The following NPSR1 variants were observed in gnomAD, a reference collection of about 807,000 sequenced individuals.
The protein encoded by NPSR1 is neuropeptide S receptor.
Under a neutral mutation model 46.9 loss-of-function variants are expected in NPSR1, and 48 were observed. That is an observed-to-expected ratio of 1.02 (90% CI 0.81 to 1.30). NPSR1 has a LOEUF of 1.30. NPSR1 is among the 50% of genes most tolerant of loss of function. The pLI is 0.00. For synonymous variants in NPSR1, 176 were observed against 168.1 expected (o/e 1.05, Z -0.36); for missense variants, 450 against 449.5 (o/e 1.00, Z -0.01).
At chr7:34,742,892 T>G (rs1785020063) in intron 2 of NPSR1, among the ~76,000 whole-genome samples, 1 of 152,246 alleles carries the variant, frequency 6.6e-6, no homozygotes, top group South Asian at 2.1e-4. Flanking sequence ...TTGATTTGTA[T>G]TTCTCTAATA....
chr7:34,679,540 C>A (rs528890348), intron 1 of NPSR1, among the ~76,000 whole-genome samples: 4 of 151,920 alleles, frequency 2.6e-5, no homozygotes, highest in Non-Finnish European at 2.9e-5. Context: ...TGACTTTAAG[C>A]GAAACTACAT....
intron 3 of NPSR1, among the ~76,000 whole-genome samples, chr7:34,802,742 T>C (rs1408540062): frequency 6.6e-6 from 1 of 150,478 alleles, no homozygotes; most frequent in Non-Finnish European, 1.5e-5. Flanking sequence ...AAAGAGCTTC[T>C]GCACAGCAAA....
In NPSR1 at chr7:34,827,465, C is replaced by T. The variant is rs781585674; in HGVS notation, c.543C>T (p.Thr181=). ...WSLSFLFSIP[T]LIIFGKRTLS... is the part of the protein sequence containing the mutation. ...TGTCTTTTCTGTTCTCCATTCCCAC[C>T]CTGATCATATTTGGGAAGAGGACAC... The change falls in exon 5 of 9, where the codon ACC becomes ACT. Residue 181 remains threonine, a synonymous_variant. Coordinates refer to ENST00000360581, the MANE Select transcript of NPSR1 (RefSeq NM_207172.2). The T allele has an allele frequency of 6.2e-7, 1 of 1,614,064 alleles. No individual in the cohort carries two copies. Among genetic ancestry groups the T allele is most frequent in the South Asian group, 1.1e-5 (1 of 91,070 alleles).
At chr7:34,696,656 G>C (rs1407887047) in intron 2 of NPSR1, among the ~76,000 whole-genome samples, 1 of 151,812 alleles carries the variant, frequency 6.6e-6, no homozygotes, top group Non-Finnish European at 1.5e-5. Context: ...AAAATAATTA[G>C]ATTGAAGCAT....
downstream of NPSR1, among the ~76,000 whole-genome samples, chr7:34,852,504 A>C (rs941915385): frequency 2.0e-5 from 3 of 152,116 alleles, no homozygotes; most frequent in African/African-American, 7.2e-5. Context: ...ACAGGGAGGA[A>C]TCTCTGAGAT....
chr7:34,670,819 T>C (rs1165187299), intron 1 of NPSR1, among the ~76,000 whole-genome samples: 1 of 152,024 alleles, frequency 6.6e-6, no homozygotes, highest in Non-Finnish European at 1.5e-5. Flanking sequence ...TAATATGAGA[T>C]ATATCAAATA....
At chr7:34,741,275 A>G (rs947338043) in intron 2 of NPSR1, among the ~76,000 whole-genome samples, 8 of 152,052 alleles carry the variant, frequency 5.3e-5, no homozygotes, top group African/African-American at 1.7e-4. Flanking sequence ...CTGTCCCTTT[A>G]TCTCTCTGCC....
intron 2 of NPSR1, chr7:34,751,369 T>C: frequency 9.6e-7 from 1 of 1,038,668 alleles, no homozygotes. Flanking sequence ...GAGGTCTGGG[T>C]TGCTATAGAG....
chr7:34,692,390 C>T (rs2128690449), intron 2 of NPSR1, among the ~76,000 whole-genome samples: 1 of 152,098 alleles, frequency 6.6e-6, no homozygotes, highest in South Asian at 2.1e-4. Context: ...TAAATCAAAC[C>T]AACGGGCACC....
chr7:34,695,495 A>G (rs1052153957), intron 2 of NPSR1, among the ~76,000 whole-genome samples: 7 of 150,832 alleles, frequency 4.6e-5, no homozygotes, highest in African/African-American at 1.7e-4. Context: ...CTGTACAACA[A>G]AAGAAATAAT....
intron 1 of NPSR1, among the ~76,000 whole-genome samples, chr7:34,677,187 AT>A (rs1261490560): frequency 6.6e-6 from 1 of 152,168 alleles, no homozygotes; most frequent in Non-Finnish European, 1.5e-5. Flanking sequence ...CTTGGCTCGG[AT>A]TGTACTCTAC....
chr7:34,869,209 G>A (rs1791393071), intron 8 of NPSR1, among the ~76,000 whole-genome samples: 1 of 151,656 alleles, frequency 6.6e-6, no homozygotes, highest in African/African-American at 2.4e-5. Context: ...GAAACCATGG[G>A]GAGAAAGTGT....
chr7:34,684,797 G>T, intron 2 of NPSR1, 113 bp downstream of exon 2: 1 of 868,964 alleles, frequency 1.2e-6, no homozygotes, highest in Non-Finnish European at 1.7e-6. Flanking sequence ...GTCAATTTGG[G>T]AATAATTTCT....
At chr7:34,802,322 A>G (rs1384234806) in intron 3 of NPSR1, among the ~76,000 whole-genome samples, 3 of 150,342 alleles carry the variant, frequency 2.0e-5, no homozygotes, top group East Asian at 3.8e-4. Flanking sequence ...ACTATACTAC[A>G]AGGCTACAAT....
downstream of NPSR1, among the ~76,000 whole-genome samples, chr7:34,854,171 T>C (rs1791002762): frequency 6.6e-6 from 1 of 152,038 alleles, no homozygotes; most frequent in African/African-American, 2.4e-5. Flanking sequence ...AACATACATC[T>C]TTCAGAGTAA....
intron 3 of NPSR1, among the ~76,000 whole-genome samples, chr7:34,792,023 G>T (rs1787904304): frequency 6.6e-6 from 1 of 151,960 alleles, no homozygotes; most frequent in Non-Finnish European, 1.5e-5. Context: ...TGAGAAGAGT[G>T]CAATTTAACC....
chr7:34,727,553 A>G (rs1462646350), intron 2 of NPSR1, among the ~76,000 whole-genome samples: 1 of 152,224 alleles, frequency 6.6e-6, no homozygotes. Context: ...TGTAGCAACC[A>G]CCACAATATC....
chr7:34,832,480 C>T (rs146335328), intron 5 of NPSR1, among the ~76,000 whole-genome samples: 1 of 152,270 alleles, frequency 6.6e-6, no homozygotes, highest in East Asian at 1.9e-4. Flanking sequence ...TGACACTGTA[C>T]TCCAGCCTGG....
intron 2 of NPSR1, among the ~76,000 whole-genome samples, chr7:34,743,691 G>A (rs891042115): frequency 6.6e-6 from 1 of 152,050 alleles, no homozygotes; most frequent in Non-Finnish European, 1.5e-5. Flanking sequence ...CTTTGTTGAA[G>A]ATTAGATCAT....
Sources: gnomAD v4.1 joint callset for allele counts (sites outside exome capture counted in the v4.1 genomes callset) on GRCh38, gnomAD v4.1.1 for gene constraint, MANE v1.5 for transcripts, NCBI Gene and HGNC (gene_info 2026-07-23, HGNC 2026-07-21) for gene names.